SDK1: variants seen among roughly 807,000 people sequenced by gnomAD.
The protein encoded by SDK1 is protein sidekick-1.
Under a neutral mutation model 245.5 loss-of-function variants are expected in SDK1, and 157 were observed. That is an observed-to-expected ratio of 0.64 (90% confidence interval 0.56 to 0.73). The LOEUF is 0.73. Among genes scored for constraint, SDK1 ranks in the 30% least tolerant of loss-of-function variants. The probability of loss-of-function intolerance (pLI) is 0.00; values close to 1 mark genes in which losing one functional copy is unlikely to be tolerated. For synonymous variants in SDK1, 1,647 were observed against 1,278.5 expected, an observed-to-expected ratio of 1.29 and a Z score of -6.15; for missense variants, 3,583 against 3,002.3, an observed-to-expected ratio of 1.19 and a Z score of -4.52.
At chr7:4,220,336 G>A in intron 39 of SDK1, 66 bp downstream of exon 39, 2 of 1,528,026 alleles carry the variant, frequency 1.3e-6, no homozygotes, top group Admixed American at 1.7e-5. Flanking sequence ...CTGCTTCACT[G>A]AGCTGAGATC....
chr7:4,193,934 G>T (rs941743696), intron 35 of SDK1, among the ~76,000 whole-genome samples: 5 of 152,044 alleles, frequency 3.3e-5, no homozygotes, highest in African/African-American at 1.2e-4. Flanking sequence ...TGCCTCTCAC[G>T]AGCGGTGAAT....
intron 1 of SDK1, among the ~76,000 whole-genome samples, chr7:3,344,203 A>G (rs970996499): frequency 2.6e-5 from 4 of 152,196 alleles, no homozygotes; most frequent in African/African-American, 7.2e-5. Context: ...AAAGTGAACA[A>G]TGAAACTCCC....
chr7:3,316,601 T>C (rs149965364), intron 1 of SDK1, among the ~76,000 whole-genome samples: 18 of 152,310 alleles, frequency 1.2e-4, no homozygotes, highest in African/African-American at 4.1e-4. Context: ...TAGGCAACAA[T>C]TGGGTAGTGC....
At chr7:3,447,536 T>G (rs1021304152) in intron 1 of SDK1, among the ~76,000 whole-genome samples, 3 of 152,224 alleles carry the variant, frequency 2.0e-5, no homozygotes, top group African/African-American at 7.2e-5. Context: ...ACAGTATGTA[T>G]AGAACAGAAT....
chr7:3,559,219 C>T (rs1779676097), intron 1 of SDK1, among the ~76,000 whole-genome samples: 1 of 152,054 alleles, frequency 6.6e-6, no homozygotes, highest in South Asian at 2.1e-4. Flanking sequence ...ATGACTGTTG[C>T]ATGGATATAT....
At chr7:3,428,012 T>G (rs1338345233) in intron 1 of SDK1, among the ~76,000 whole-genome samples, 1 of 152,200 alleles carries the variant, frequency 6.6e-6, no homozygotes, top group African/African-American at 2.4e-5. Flanking sequence ...GTGCTGTACT[T>G]TCATCTTTGC....
chr7:3,930,119 A>T (rs1398043930), intron 5 of SDK1, among the ~76,000 whole-genome samples: 3 of 152,152 alleles, frequency 2.0e-5, no homozygotes, highest in Non-Finnish European at 4.4e-5. Context: ...GCAGCTCGTT[A>T]ACATTTAGGT....
At chr7:3,426,298 C>T (rs1021851862) in intron 1 of SDK1, among the ~76,000 whole-genome samples, 10 of 152,086 alleles carry the variant, frequency 6.6e-5, no homozygotes, top group Admixed American at 5.9e-4. Context: ...GTGCTAAGTG[C>T]GTCACTGAGT....
intron 1 of SDK1, among the ~76,000 whole-genome samples, chr7:3,550,066 G>T (rs1779350456): frequency 6.6e-6 from 1 of 152,074 alleles, no homozygotes; most frequent in African/African-American, 2.4e-5. Flanking sequence ...ATGTGAATAT[G>T]TGAAATTTGT....
At chr7:3,779,380 T>G (rs566215849) in intron 4 of SDK1, among the ~76,000 whole-genome samples, 53 of 152,184 alleles carry the variant, frequency 3.5e-4, no homozygotes, top group Admixed American at 6.5e-4. Flanking sequence ...CAACGTATTC[T>G]GAGACAGATG....
intron 1 of SDK1, among the ~76,000 whole-genome samples, chr7:3,325,049 T>C (rs1053602673): frequency 4.6e-5 from 7 of 152,250 alleles, no homozygotes; most frequent in African/African-American, 1.7e-4. Context: ...GCATTTATCA[T>C]CACTGTTACC....
Position 4,090,711 on chromosome 7 carries a change from G to C in SDK1, c.3324+11127G>C, listed in dbSNP as rs561952765. ...CTTGGGTTAGTGCAGTGGAGAGTGG[G>C]ATTTAGAAACCAAGATCCAGGCAGT... On this transcript the variant is annotated intron_variant, in intron 22 of 44. Transcript: ENST00000404826. Among the ~76,000 whole-genome samples, 6 of 152,260 alleles carry C rather than the reference G, an allele frequency of 3.9e-5. No homozygotes were observed. In the East Asian group the frequency reaches 9.6e-4, roughly 24 times the overall value.
chr7:3,814,156 C>T (rs1483562291), intron 4 of SDK1, among the ~76,000 whole-genome samples: 1 of 148,686 alleles, frequency 6.7e-6, no homozygotes, highest in Non-Finnish European at 1.5e-5. Flanking sequence ...GTTGCCATTG[C>T]TTTTGCTGTT....
intron 1 of SDK1, among the ~76,000 whole-genome samples, chr7:3,336,475 GC>G (rs1780203115): frequency 6.6e-6 from 1 of 152,176 alleles, no homozygotes; most frequent in South Asian, 2.1e-4. Context: ...GGTGGTGCTA[GC>G]AGGGGGCTAA....
chr7:3,346,726 C>CAT (rs10636475), intron 1 of SDK1, among the ~76,000 whole-genome samples: 23,264 of 114,222 alleles, frequency 0.2, 2,305 homozygotes, highest in African/African-American at 0.28. Context: ...TATATGTATA[C>CAT]ATATATATAT....
chr7:3,870,858 T>C (rs10244636), intron 5 of SDK1, among the ~76,000 whole-genome samples: 32,405 of 152,190 alleles, frequency 0.21, 3,752 homozygotes, highest in African/African-American at 0.29. Flanking sequence ...TTCTTAGTCT[T>C]CTCCAAAATG....
At chr7:3,927,511 G>C (rs1779813531) in intron 5 of SDK1, among the ~76,000 whole-genome samples, 1 of 152,186 alleles carries the variant, frequency 6.6e-6, no homozygotes, top group African/African-American at 2.4e-5. Flanking sequence ...GGGTCAGAGA[G>C]CTCATGGGCA....
chr7:4,210,110 C>T lies in SDK1; in HGVS notation c.5487C>T (p.Asn1829=), dbSNP rs756771887. The T allele has an allele frequency of 7.5e-6, 12 of 1,609,636 alleles. No homozygotes were observed. Among genetic ancestry groups the T allele is most frequent in the Admixed American group, 3.4e-5 (2 of 59,014 alleles). ...CCTGGGGCGAGCCTGCGGCGGCCAACGGCATCCTGCAGGGCTATCGGGTGG... is the reference window on the plus strand; with the variant it reads ...CCTGGGGCGAGCCTGCGGCGGCCAATGGCATCCTGCAGGGCTATCGGGTGG... The part of the protein sequence containing the change: ...NVSWGEPAAA[N]GILQGYRVVY... The change falls in exon 38 of 45, where the codon AAC becomes AAT. Residue 1829 remains asparagine, a synonymous_variant. Coordinates refer to ENST00000404826, the MANE Select transcript of SDK1 (RefSeq NM_152744.4).
intron 4 of SDK1, among the ~76,000 whole-genome samples, chr7:3,712,941 G>C (rs1251463357): frequency 6.6e-6 from 1 of 152,218 alleles, no homozygotes; most frequent in East Asian, 1.9e-4. Flanking sequence ...TTCCCTGAAA[G>C]CTTCTGTGAG....
Sources: gnomAD v4.1 joint callset for allele counts (sites outside exome capture counted in the v4.1 genomes callset) on GRCh38, gnomAD v4.1.1 for gene constraint, MANE v1.5 for transcripts, NCBI Gene and HGNC (gene_info 2026-07-23, HGNC 2026-07-21) for gene names.